MECOM: variants seen among roughly 807,000 people sequenced by gnomAD.
MECOM encodes histone-lysine N-methyltransferase MECOM.
MECOM carries 13 observed loss-of-function variants against 116.3 expected under a neutral mutation model. That is an observed-to-expected ratio of 0.11 (90% CI 0.07 to 0.18). The LOEUF is 0.18. Among genes scored for constraint, MECOM ranks in the 10% least tolerant of loss-of-function variants. The pLI, the probability that MECOM is intolerant of heterozygous loss-of-function variation, is 1.00. For missense variants in MECOM, 1,299 were observed against 1,509.0 expected (o/e 0.86, Z 2.31); for synonymous variants, 528 against 535.2 (o/e 0.99, Z 0.19).
At chr3:169,533,241 C>A (rs1277721450) in intron 1 of MECOM, among the ~76,000 whole-genome samples, 1 of 152,064 alleles carries the variant, frequency 6.6e-6, no homozygotes, top group African/African-American at 2.4e-5. Context: ...ATATATCAGA[C>A]CCCGGAATCA....
intron 1 of MECOM, among the ~76,000 whole-genome samples, chr3:169,383,284 C>A (rs1293482809): frequency 2.0e-5 from 3 of 152,058 alleles, no homozygotes; most frequent in African/African-American, 7.2e-5. Context: ...ATTCCAGAAC[C>A]CAACCTTATA....
intron 16 of MECOM, 83 bp downstream of exon 16, chr3:169,088,917 A>G (rs1307415621): frequency 8.5e-7 from 1 of 1,181,012 alleles, no homozygotes; most frequent in African/African-American, 1.6e-5. Flanking sequence ...TCAAAGATAG[A>G]ATATTTGCTT....
At chr3:169,312,282 T>C (rs560435759) in intron 2 of MECOM, among the ~76,000 whole-genome samples, 8 of 152,084 alleles carry the variant, frequency 5.3e-5, no homozygotes, top group Admixed American at 2.6e-4. Context: ...ATGACAACTA[T>C]ATTTTTAATA....
At chr3:169,309,640 T>A (rs1718364717) in intron 2 of MECOM, among the ~76,000 whole-genome samples, 2 of 152,354 alleles carry the variant, frequency 1.3e-5, no homozygotes, top group African/African-American at 4.8e-5. Flanking sequence ...ATAGGCTTTA[T>A]TTCCATATCT....
At chr3:169,253,461 A>G (rs2149589303) in intron 2 of MECOM, among the ~76,000 whole-genome samples, 1 of 152,090 alleles carries the variant, frequency 6.6e-6, no homozygotes, top group East Asian at 1.9e-4. Flanking sequence ...GCAATAGAAA[A>G]CATATTAATT....
At chr3:169,606,851 T>A (rs1189453370) in intron 1 of MECOM, among the ~76,000 whole-genome samples, 1 of 152,178 alleles carries the variant, frequency 6.6e-6, no homozygotes, top group Non-Finnish European at 1.5e-5. Flanking sequence ...TTGCAGATAA[T>A]TTAAACATAA....
Position 169,323,124 on chromosome 3 carries a change from G to A in MECOM, c.375+58063C>T, listed in dbSNP as rs16853506. On this transcript the variant is annotated intron_variant, in intron 2 of 16. Transcript: ENST00000651503. ...GTAATATCCTGGGACCAATCTGTTAGACCTTAGACATGCAGAGTCATCATA... is the reference window on the plus strand; with the variant it reads ...GTAATATCCTGGGACCAATCTGTTAAACCTTAGACATGCAGAGTCATCATA... 7.2e-3 allele frequency among the ~76,000 whole-genome samples: 1,084 copies of A among 150,482 alleles called. 12 individuals are homozygous for A. The highest frequency in any genetic ancestry group is 0.025 in the African/African-American group (1,014 of 41,034).
chr3:169,314,801 A>G (rs1719446127), intron 2 of MECOM, among the ~76,000 whole-genome samples: 1 of 152,240 alleles, frequency 6.6e-6, no homozygotes, highest in Admixed American at 6.5e-5. Context: ...TTTTAGGGCA[A>G]CGATATTCTT....
chr3:169,626,369 A>G (rs1356590357), intron 1 of MECOM, among the ~76,000 whole-genome samples: 1 of 152,240 alleles, frequency 6.6e-6, no homozygotes, highest in African/African-American at 2.4e-5. Flanking sequence ...ATAATCATTG[A>G]GCGGAGCTTG....
intron 2 of MECOM, among the ~76,000 whole-genome samples, chr3:169,173,719 G>A (rs1224043689): frequency 5.9e-5 from 9 of 152,148 alleles, no homozygotes. Flanking sequence ...GATCCATTCT[G>A]CCAAATATAG....
intron 2 of MECOM, among the ~76,000 whole-genome samples, chr3:169,377,823 T>C (rs1731299411): frequency 1.3e-5 from 2 of 152,116 alleles, no homozygotes; most frequent in Admixed American, 6.6e-5. Flanking sequence ...CATTACTGAG[T>C]ATATACCCAA....
At chr3:169,432,798 GCA>G (rs1741853025) in intron 1 of MECOM, among the ~76,000 whole-genome samples, 1 of 152,176 alleles carries the variant, frequency 6.6e-6, no homozygotes, top group African/African-American at 2.4e-5. Flanking sequence ...CTTCTTATAA[GCA>G]CAGTTAAAAG....
chr3:169,253,682 CT>C (rs1199188583), intron 2 of MECOM, among the ~76,000 whole-genome samples: 1 of 151,942 alleles, frequency 6.6e-6, no homozygotes, highest in Non-Finnish European at 1.5e-5. Context: ...TTGCAGAACA[CT>C]TTTTTCCCCA....
chr3:169,536,395 T>A (rs1759364419), intron 1 of MECOM, among the ~76,000 whole-genome samples: 2 of 142,464 alleles, frequency 1.4e-5, no homozygotes, highest in Non-Finnish European at 3.0e-5. Context: ...AGCATTGGCA[T>A]CTTCCCACTA....
intron 2 of MECOM, among the ~76,000 whole-genome samples, chr3:169,336,608 G>C (rs1723626399): frequency 6.6e-6 from 1 of 151,910 alleles, no homozygotes; most frequent in Non-Finnish European, 1.5e-5. Context: ...TTCCTTAAAA[G>C]TTTTGTGATG....
At chr3:169,430,799 C>T (rs753485976) in intron 1 of MECOM, among the ~76,000 whole-genome samples, 3 of 152,178 alleles carry the variant, frequency 2.0e-5, no homozygotes, top group Non-Finnish European at 4.4e-5. Context: ...AGACCCTTTA[C>T]TGAAAGCATT....
At chr3:169,230,888 C>A (rs1753310264) in intron 2 of MECOM, among the ~76,000 whole-genome samples, 1 of 152,152 alleles carries the variant, frequency 6.6e-6, no homozygotes, top group South Asian at 2.1e-4. Context: ...ATGGTTCCCC[C>A]ACTTTATCAT....
At chr3:169,450,375 A>T (rs1745347583) in intron 1 of MECOM, among the ~76,000 whole-genome samples, 2 of 152,120 alleles carry the variant, frequency 1.3e-5, no homozygotes, top group African/African-American at 4.8e-5. Flanking sequence ...TAATTAAAAA[A>T]GCTTCCAAAA....
At chr3:169,583,008 A>T (rs535451733) in intron 1 of MECOM, among the ~76,000 whole-genome samples, 1 of 152,242 alleles carries the variant, frequency 6.6e-6, no homozygotes, top group Non-Finnish European at 1.5e-5. Context: ...CAAATGAATA[A>T]AGGAAAGGTT....
Sources: allele counts gnomAD v4.1 joint callset (sites outside exome capture counted in the v4.1 genomes callset), GRCh38; gene constraint gnomAD v4.1.1; transcripts MANE v1.5; gene names NCBI Gene and HGNC (gene_info 2026-07-23, HGNC 2026-07-21).